PDZRN3: variants seen among roughly 807,000 people sequenced by gnomAD.
PDZRN3 encodes PDZ domain containing ring finger 3.
In PDZRN3, 38 loss-of-function variants were observed where a neutral mutation model predicts 85.7. The ratio of observed to expected loss-of-function variants is 0.44; its 90% CI spans 0.34 to 0.58. The LOEUF is 0.58. Ranked by LOEUF, PDZRN3 falls within the 20% of genes least tolerant of loss-of-function variation. The pLI is 0.01. For synonymous variants in PDZRN3, 759 were observed against 638.0 expected (o/e 1.19, Z -2.86); for missense variants, 1,629 against 1,506.4 (o/e 1.08, Z -1.35).
chr3:73,618,831 A>C lies in PDZRN3; in HGVS notation c.723+5272T>G, dbSNP rs561333023. Among the ~76,000 whole-genome samples the C allele has an allele frequency of 7.2e-5, 11 of 152,344 alleles. No individual in the cohort carries two copies. In the South Asian group the frequency reaches 2.3e-3, roughly 32 times the overall value. ...TCCTAATTTTCCTTATAAATCACAG[A>C]AATGAAATAGAAGTGACAATCTGTA... On this transcript the variant is annotated intron_variant, in intron 1 of 9. Coordinates refer to ENST00000263666, the MANE Select transcript of PDZRN3 (RefSeq NM_015009.3).
chr3:73,413,742 C>A (rs1398125594), intron 3 of PDZRN3, among the ~76,000 whole-genome samples: 2 of 152,070 alleles, frequency 1.3e-5, no homozygotes, highest in African/African-American at 4.8e-5. Context: ...AAGGGGCAGT[C>A]ATCAACAAGA....
At chr3:73,447,464 A>G (rs1179413852) in intron 3 of PDZRN3, among the ~76,000 whole-genome samples, 2 of 152,052 alleles carry the variant, frequency 1.3e-5, no homozygotes, top group African/African-American at 4.8e-5. Flanking sequence ...GTTCCTCCAT[A>G]GAGCAGTCTA....
At chr3:73,612,130 G>A (rs79753771) in intron 1 of PDZRN3, among the ~76,000 whole-genome samples, 2,982 of 152,270 alleles carry the variant, frequency 0.02, 111 homozygotes, top group African/African-American at 0.069. Flanking sequence ...AAAACAAAGA[G>A]AGAAATGAGC....
intron 3 of PDZRN3, among the ~76,000 whole-genome samples, chr3:73,583,790 T>C (rs1427526210): frequency 6.6e-6 from 1 of 152,150 alleles, no homozygotes; most frequent in East Asian, 1.9e-4. Context: ...GAAGGACTGA[T>C]CCCACCTTAG....
intron 3 of PDZRN3, among the ~76,000 whole-genome samples, chr3:73,600,335 A>ACTCTCTCT (rs555285407): frequency 0.01 from 470 of 46,854 alleles, 2 homozygotes; most frequent in East Asian, 0.022. Context: ...ACACACACAC[A>ACTCTCTCT]CACTCTCTCT....
intron 3 of PDZRN3, among the ~76,000 whole-genome samples, chr3:73,564,730 G>T (rs1470894247): frequency 1.3e-5 from 2 of 152,054 alleles, no homozygotes; most frequent in Admixed American, 1.3e-4. Flanking sequence ...TAGAACTCAG[G>T]CTCTGAAATT....
At chr3:73,532,168 T>C (rs1478609292) in intron 3 of PDZRN3, among the ~76,000 whole-genome samples, 2 of 151,486 alleles carry the variant, frequency 1.3e-5, no homozygotes, top group African/African-American at 4.9e-5. Context: ...GCCCATCTGA[T>C]TTTCTGTATT....
At chr3:73,433,752 C>T (rs753492930) in intron 3 of PDZRN3, 83 of 1,535,086 alleles carry the variant, frequency 5.4e-5, no homozygotes, top group Non-Finnish European at 6.5e-5. Flanking sequence ...CGCCAGCACC[C>T]GGGAAAAGCA....
In PDZRN3 at chr3:73,602,391, T is replaced by G; in HGVS notation, c.881A>C (p.Lys294Thr). ...SKIVDSGPAA[K>T]EGGLQIHDRI... ...GTCATGAATTTGCAGGCCTCCTTCC[T>G]TGGCTGCAGGCCCACTGTCAACTAT... Residue 294 changes from lysine (K) to threonine (T), a missense_variant, in exon 3 of 10, where the codon AAG (lysine) becomes ACG (threonine). Transcript: ENST00000263666. 1 of 1,608,474 alleles carries G rather than the reference T, an allele frequency of 6.2e-7. No individual in the cohort carries two copies. The highest frequency in any genetic ancestry group is 8.5e-7 in the Non-Finnish European group (1 of 1,174,800).
intron 3 of PDZRN3, among the ~76,000 whole-genome samples, chr3:73,508,472 G>A (rs1342276272): frequency 6.6e-6 from 1 of 152,168 alleles, no homozygotes; most frequent in Non-Finnish European, 1.5e-5. Flanking sequence ...ATTTCACCTT[G>A]GAGCAATGCA....
intron 3 of PDZRN3, among the ~76,000 whole-genome samples, chr3:73,579,779 C>T (rs555091740): frequency 6.6e-6 from 1 of 152,242 alleles, no homozygotes; most frequent in East Asian, 1.9e-4. Flanking sequence ...CACGGCACCA[C>T]TGTTGAGGTT....
At position 73,453,404 on chromosome 3, in the gene PDZRN3, CAAA is replaced by C. The variant is rs1184407369; in HGVS notation, c.919-49012_919-49010del. On this transcript the variant is annotated intron_variant, in intron 3 of 9. Transcript: ENST00000263666. ...CTAGAGACAGAGTGAGACTTCGTCT[CAAA>C]AAAAAAAAAAAAAAAACAAAAAAAA... is the stretch of plus-strand genomic sequence containing the variant. 1.4e-3 allele frequency among the ~76,000 whole-genome samples: 134 copies of C among 97,510 alleles called. 1 individual carries two copies. The highest frequency in any genetic ancestry group is 4.0e-3 in the African/African-American group (113 of 28,086). The allele number at this position is 97,510 out of a possible 152,430, so 64.0% of individuals were successfully genotyped here.
intron 1 of PDZRN3, among the ~76,000 whole-genome samples, chr3:73,612,089 C>G (rs867896850): frequency 7.3e-6 from 1 of 136,120 alleles, no homozygotes; most frequent in African/African-American, 3.8e-5. Context: ...TTTATCATAA[C>G]CCATGATTTG....
At chr3:73,578,672 C>T (rs920371669) in intron 3 of PDZRN3, among the ~76,000 whole-genome samples, 1 of 152,100 alleles carries the variant, frequency 6.6e-6, no homozygotes, top group Non-Finnish European at 1.5e-5. Context: ...TCTGTCAATA[C>T]ACTGGGGATC....
intron 5 of PDZRN3, among the ~76,000 whole-genome samples, chr3:73,400,705 T>G (rs897439531): frequency 1.3e-5 from 2 of 152,198 alleles, no homozygotes; most frequent in Admixed American, 1.3e-4. Flanking sequence ...TTAAAAAAAG[T>G]TTACATTTCT....
rs147054821 is a variant in PDZRN3, at chr3:73,576,619, G to A, written c.918+25735C>T. Among the ~76,000 whole-genome samples the A allele has an allele frequency of 2.0e-3, 312 of 152,254 alleles. 9 individuals carry two copies. The highest frequency in any genetic ancestry group is 0.017 in the Admixed American group (253 of 15,294). ...TAGGAAATTTATCTTTTCAAGACAA[G>A]CATCACCACCAAACACAAGTTTCTT... On this transcript the variant is annotated intron_variant, in intron 3 of 9. Transcript: ENST00000263666.
At chr3:73,527,867 G>A (rs1309634178) in intron 3 of PDZRN3, among the ~76,000 whole-genome samples, 1 of 151,998 alleles carries the variant, frequency 6.6e-6, no homozygotes, top group African/African-American at 2.4e-5. Context: ...AAAAACCAAA[G>A]GATGGAAATA....
chr3:73,428,423 A>G (rs996745227), intron 3 of PDZRN3, among the ~76,000 whole-genome samples: 1 of 152,204 alleles, frequency 6.6e-6, no homozygotes, highest in African/African-American at 2.4e-5. Flanking sequence ...TTCCTAACAA[A>G]CACTACAAAA....
At chr3:73,578,500 G>A (rs6793632) in intron 3 of PDZRN3, among the ~76,000 whole-genome samples, 85,850 of 151,604 alleles carry the variant, frequency 0.57, 24,371 homozygotes, top group Admixed American at 0.59. Flanking sequence ...TTTAGTTACT[G>A]TAACTGTTCC....
Sources: gnomAD v4.1 joint callset for allele counts (sites outside exome capture counted in the v4.1 genomes callset) on GRCh38, gnomAD v4.1.1 for gene constraint, MANE v1.5 for transcripts, NCBI Gene and HGNC (gene_info 2026-07-23, HGNC 2026-07-21) for gene names.